Variants in RNF217 observed in about 807,000 individuals in gnomAD.
RNF217 encodes the protein E3 ubiquitin-protein ligase RNF217.
RNF217 carries 31 observed loss-of-function variants against 57.8 expected under a neutral mutation model. That is an observed-to-expected ratio of 0.54 (90% CI 0.40 to 0.72). The LOEUF (loss-of-function observed/expected upper bound fraction) is 0.72. Ranked by LOEUF, RNF217 falls within the 30% of genes least tolerant of loss-of-function variation. The pLI is 0.00. For missense variants in RNF217, 696 were observed against 708.3 expected, an observed-to-expected ratio of 0.98 and a Z score of 0.20; for synonymous variants, 313 against 294.0, an observed-to-expected ratio of 1.06 and a Z score of -0.66.
intron 1 of RNF217, among the ~76,000 whole-genome samples, chr6:124,965,740 T>C (rs1157188175): frequency 6.6e-6 from 1 of 152,208 alleles, no homozygotes. Context: ...TTTTCAGGGC[T>C]ATATTCAAAT....
At chr6:125,074,167 G>T (rs1788259361) in intron 3 of RNF217, among the ~76,000 whole-genome samples, 1 of 152,100 alleles carries the variant, frequency 6.6e-6, no homozygotes, top group Admixed American at 6.5e-5. Flanking sequence ...TTCTTTCTTG[G>T]TCCCTTCATT....
chr6:125,085,369 C>T lies in RNF217; in HGVS notation c.*2432C>T, dbSNP rs1788742881. 1 of 151,796 alleles carries T rather than the reference C, an allele frequency of 6.6e-6. No individual in the cohort carries two copies. Among genetic ancestry groups the T allele is most frequent in the Non-Finnish European group, 1.5e-5 (1 of 67,814 alleles). 9.4% of individuals were successfully genotyped at this position (151,796 alleles called of 1,614,324 possible). Reference sequence around the variant, plus strand: ...GTAGATATTTTTAAATTAACATACACATTTTTCTCTTTAAAGGGTCATATC... The same window carrying T: ...GTAGATATTTTTAAATTAACATACATATTTTTCTCTTTAAAGGGTCATATC... On this transcript the variant is annotated 3_prime_UTR_variant, in exon 6 of 6. Transcript: ENST00000521654.
chr6:124,981,657 T>TC (rs1435567646), intron 1 of RNF217, among the ~76,000 whole-genome samples: 1 of 152,142 alleles, frequency 6.6e-6, no homozygotes, highest in Non-Finnish European at 1.5e-5. Context: ...TGACTTTCTG[T>TC]CCTGGACTTG....
At chr6:125,049,166 A>G (rs2114550580) in intron 2 of RNF217, among the ~76,000 whole-genome samples, 1 of 152,176 alleles carries the variant, frequency 6.6e-6, no homozygotes, top group East Asian at 1.9e-4. Context: ...ATAGAGAACA[A>G]GTTAATGATG....
intron 1 of RNF217, among the ~76,000 whole-genome samples, chr6:124,975,667 G>C (rs1286469818): frequency 6.6e-6 from 1 of 152,062 alleles, no homozygotes; most frequent in African/African-American, 2.4e-5. Context: ...ATACTCCTGG[G>C]CTCAAGCGAT....
At chr6:124,986,711 TGTA>T (rs1469086343) in intron 1 of RNF217, among the ~76,000 whole-genome samples, 1 of 152,192 alleles carries the variant, frequency 6.6e-6, no homozygotes, top group African/African-American at 2.4e-5. Flanking sequence ...TTTTAGGTTT[TGTA>T]GGCCAAGAGG....
chr6:125,076,707 T>C lies in RNF217; in HGVS notation c.1332T>C (p.Cys444=), dbSNP rs748777735. The change falls in exon 4 of 6, where the codon TGT becomes TGC. Residue 444 remains cysteine, a synonymous_variant. Transcript: ENST00000521654. The part of the protein sequence containing the change: ...EGCDHMTCSQ[C]NTNFCYRCGE... ...GTGACCATATGACCTGCTCACAATG[T>C]AACACTAATTTTTGTTACCGATGTG... The C allele has an allele frequency of 6.2e-6, 10 of 1,613,474 alleles. No homozygotes were observed. Among genetic ancestry groups the C allele is most frequent in the African/African-American group, 1.3e-5 (1 of 74,894 alleles).
At position 125,088,764 on chromosome 6, in the gene RNF217, A is replaced by T. The variant is rs1469420973; in HGVS notation, c.*5827A>T. 2 of 152,132 alleles carry T rather than the reference A, an allele frequency of 1.3e-5. No individual in the cohort carries two copies. The highest frequency in any genetic ancestry group is 2.4e-5 in the African/African-American group (1 of 41,386). The allele number at this position is 152,132 out of a possible 1,614,324, so 9.4% of individuals were successfully genotyped here. ...TTTCATTTGGTGTATCTAACTTTGT[A>T]TCACTTAAATTATTCAGACTTACTA... On this transcript the variant is annotated 3_prime_UTR_variant, in exon 6 of 6. Transcript: ENST00000521654.
chr6:124,970,950 T>G (rs1244753307), intron 1 of RNF217, among the ~76,000 whole-genome samples: 1 of 152,108 alleles, frequency 6.6e-6, no homozygotes, highest in Non-Finnish European at 1.5e-5. Flanking sequence ...AACAAGGAGT[T>G]TATTGGTAAC....
intron 1 of RNF217, among the ~76,000 whole-genome samples, chr6:124,970,616 G>C (rs1783726242): frequency 6.6e-6 from 1 of 152,186 alleles, no homozygotes; most frequent in Non-Finnish European, 1.5e-5. Context: ...CTGAGCAGAA[G>C]ATATAAATTT....
chr6:125,034,750 G>C (rs906707020), intron 1 of RNF217, among the ~76,000 whole-genome samples: 1 of 152,100 alleles, frequency 6.6e-6, no homozygotes, highest in African/African-American at 2.4e-5. Context: ...TTGGTAGCTT[G>C]ATGGGGATGG....
At chr6:125,049,885 A>G (rs138385815) in intron 2 of RNF217, among the ~76,000 whole-genome samples, 14 of 151,852 alleles carry the variant, frequency 9.2e-5, no homozygotes, top group South Asian at 4.1e-4. Context: ...AAATTAGTTC[A>G]GTTTGAAATA....
rs1000934439 is a variant in RNF217 at position 124,963,253 on chromosome 6, C to T, written c.709C>T (p.Pro237Ser). ...FYLAPEPFSM[P>S]SLLGAPPYSG... is the part of the protein sequence containing the mutation. ...CCTGGCGCCCGAGCCGTTCTCCATG[C>T]CCAGCCTGTTGGGAGCTCCACCCTA... The change falls in exon 1 of 6, where the codon CCC (proline) becomes TCC (serine). Residue 237 changes from proline (P) to serine (S), a missense_variant. Pro to Ser is a moderately conservative substitution (Grantham distance 74, BLOSUM62 -1). Around this residue, in one of 2 missense-constraint regions of RNF217, gnomAD observed 465 missense variants for 386.8 expected, o/e 1.20. Transcript: ENST00000521654. 68 of 1,536,074 alleles carry T rather than the reference C, an allele frequency of 4.4e-5. No individual in the cohort carries two copies. Among genetic ancestry groups the T allele is most frequent in the Middle Eastern group, 1.7e-4 (1 of 5,990 alleles).
intron 1 of RNF217, among the ~76,000 whole-genome samples, chr6:125,013,882 G>A (rs1445162232): frequency 1.3e-5 from 2 of 152,102 alleles, no homozygotes; most frequent in Non-Finnish European, 2.9e-5. Context: ...AACAATAAAA[G>A]CAGTTCTTAT....
intron 1 of RNF217, among the ~76,000 whole-genome samples, chr6:124,974,580 C>T (rs1168643212): frequency 6.6e-6 from 1 of 152,156 alleles, no homozygotes; most frequent in Non-Finnish European, 1.5e-5. Flanking sequence ...TTCTGTATAG[C>T]ATAATTTCCT....
At chr6:125,004,476 T>C (rs1785097522) in intron 1 of RNF217, among the ~76,000 whole-genome samples, 1 of 152,138 alleles carries the variant, frequency 6.6e-6, no homozygotes, top group Non-Finnish European at 1.5e-5. Context: ...AGCAGAACAG[T>C]GAAGATCCTA....
chr6:125,087,531 C>G lies in RNF217; in HGVS notation c.*4594C>G, dbSNP rs1788806272. The G allele has an allele frequency of 6.6e-6, 1 of 151,930 alleles. No homozygotes were observed. Among genetic ancestry groups the G allele is most frequent in the Non-Finnish European group, 1.5e-5 (1 of 67,976 alleles). 9.4% of individuals were successfully genotyped at this position (151,930 alleles called of 1,614,324 possible). A position where few individuals can be genotyped will look rare whatever the true frequency, so the allele number is the denominator to read the frequency against. ...AATATTTGTGCCATTTAAATAATGACAAAGCAATCAATGCATACATTTCAA... is the reference window on the plus strand; with the variant it reads ...AATATTTGTGCCATTTAAATAATGAGAAAGCAATCAATGCATACATTTCAA... On this transcript the variant is annotated 3_prime_UTR_variant, in exon 6 of 6. Coordinates refer to ENST00000521654, the MANE Select transcript of RNF217 (RefSeq NM_001286398.3).
chr6:125,002,772 A>AT, intron 1 of RNF217, among the ~76,000 whole-genome samples: 1 of 152,158 alleles, frequency 6.6e-6, no homozygotes, highest in East Asian at 1.9e-4. Context: ...CCATTACATT[A>AT]TTTTTGTAAC....
chr6:125,057,891 G>T, intron 2 of RNF217, 51 bp from the exon 3 acceptor site: 1 of 1,454,562 alleles, frequency 6.9e-7, no homozygotes, highest in South Asian at 1.5e-5. Context: ...TATCCTTTTA[G>T]ACACTTTCAG....
Sources: allele counts gnomAD v4.1 joint callset (sites outside exome capture counted in the v4.1 genomes callset), GRCh38; gene constraint gnomAD v4.1.1; regional missense constraint gnomAD v4.1.1; transcripts MANE v1.5; gene names NCBI Gene and HGNC (gene_info 2026-07-23, HGNC 2026-07-21).